Variants in TBC1D32 observed in about 807,000 individuals in gnomAD.
TBC1D32 encodes TBC1 domain family member 32.
TBC1D32 carries 151 observed loss-of-function variants against 170.3 expected under a neutral mutation model. The observed-to-expected ratio is 0.89, with a 90% CI of 0.78 to 1.01. TBC1D32 has a LOEUF of 1.01. TBC1D32 is among the 50% of genes least tolerant of loss of function. TBC1D32 has a pLI of 0.00. For missense variants in TBC1D32, 1,464 were observed against 1,457.1 expected, an observed-to-expected ratio of 1.00 and a Z score of -0.08; for synonymous variants, 498 against 488.0, an observed-to-expected ratio of 1.02 and a Z score of -0.27.
At chr6:121,184,253 A>C (rs1788896837) in intron 22 of TBC1D32, among the ~76,000 whole-genome samples, 2 of 152,008 alleles carry the variant, frequency 1.3e-5, no homozygotes, top group South Asian at 4.1e-4. Context: ...TTCATTGGTG[A>C]TATAATATTA....
chr6:121,309,375 A>G (rs1309475755), intron 4 of TBC1D32, among the ~76,000 whole-genome samples: 3 of 152,182 alleles, frequency 2.0e-5, no homozygotes, highest in Non-Finnish European at 4.4e-5. Flanking sequence ...CTCATTTCCG[A>G]TATTTTTGAA....
intron 24 of TBC1D32, among the ~76,000 whole-genome samples, chr6:121,154,271 TA>T (rs1784585172): frequency 6.6e-6 from 1 of 152,108 alleles, no homozygotes; most frequent in South Asian, 2.1e-4. Context: ...TTGAGCTTCC[TA>T]GGTGAGAACA....
rs556830683 is a variant in TBC1D32, at chr6:121,149,530, T to C, written c.2773+10480A>G. Among the ~76,000 whole-genome samples the C allele has an allele frequency of 7.9e-5, 12 of 152,332 alleles. No individual in the cohort carries two copies. The East Asian group carries it at 2.1e-3, about 27-fold the overall frequency. ...AAATAGGGAATCCTTTCCCCATTTC[T>C]TGTTTTTGTCAGGTTTGTCAAAGAT... On this transcript the variant is annotated intron_variant, in intron 24 of 31. Coordinates refer to ENST00000398212, the MANE Select transcript of TBC1D32 (RefSeq NM_152730.6).
chr6:121,291,990 A>G, intron 12 of TBC1D32, 63 bp downstream of exon 12: 1 of 1,437,588 alleles, frequency 7.0e-7, no homozygotes, highest in East Asian at 2.4e-5. Context: ...CCAAGTTTGA[A>G]TACTCCACCA....
intron 15 of TBC1D32, among the ~76,000 whole-genome samples, chr6:121,257,747 G>A (rs1241621597): frequency 6.6e-6 from 1 of 151,896 alleles, no homozygotes; most frequent in African/African-American, 2.4e-5. Flanking sequence ...CTTTATGTAT[G>A]TCAATCCATT....
intron 21 of TBC1D32, among the ~76,000 whole-genome samples, chr6:121,207,559 C>A (rs537557160): frequency 2.0e-5 from 3 of 152,058 alleles, no homozygotes; most frequent in Non-Finnish European, 4.4e-5. Context: ...AAAAACAAAA[C>A]TCCTGGGAAG....
At chr6:121,196,516 A>C (rs1181803430) in intron 22 of TBC1D32, among the ~76,000 whole-genome samples, 1 of 152,156 alleles carries the variant, frequency 6.6e-6, no homozygotes, top group African/African-American at 2.4e-5. Context: ...TCCTGCACAC[A>C]ATGCTTCTGC....
intron 15 of TBC1D32, among the ~76,000 whole-genome samples, chr6:121,259,789 T>TG (rs1341245520): frequency 6.6e-6 from 1 of 152,092 alleles, no homozygotes; most frequent in Non-Finnish European, 1.5e-5. Context: ...ATCTCTAAAT[T>TG]GGGGGGTAAA....
intron 24 of TBC1D32, among the ~76,000 whole-genome samples, chr6:121,141,514 G>T (rs1782784643): frequency 6.6e-6 from 1 of 152,210 alleles, no homozygotes; most frequent in Admixed American, 6.5e-5. Context: ...CACTCTCAAA[G>T]GAAGATACCA....
At chr6:121,112,398 T>C (rs1779278362) in intron 29 of TBC1D32, 107 bp downstream of exon 29, 2 of 980,110 alleles carry the variant, frequency 2.0e-6, no homozygotes, top group East Asian at 2.7e-5. Flanking sequence ...GAAAAATGAG[T>C]ATAATTTATT....
At chr6:121,237,025 CTG>C (rs1359122030) in intron 20 of TBC1D32, 1 of 152,098 alleles carries the variant, frequency 6.6e-6, no homozygotes, top group African/African-American at 2.4e-5. Context: ...TCTGGTAGCA[CTG>C]TCTTTCAACA....
At chr6:121,272,238 A>G (rs1801550891) in intron 15 of TBC1D32, among the ~76,000 whole-genome samples, 1 of 152,172 alleles carries the variant, frequency 6.6e-6, no homozygotes, top group African/African-American at 2.4e-5. Flanking sequence ...AATGGCAACA[A>G]AAGCCAAAAT....
intron 4 of TBC1D32, 49 bp downstream of exon 4, chr6:121,310,730 G>A: frequency 2.6e-6 from 3 of 1,171,500 alleles, no homozygotes; most frequent in Non-Finnish European, 3.7e-6. Flanking sequence ...CTCATATATT[G>A]TAAATGTATG....
chr6:121,305,878 A>C (rs1807250856), intron 5 of TBC1D32, among the ~76,000 whole-genome samples: 3 of 152,070 alleles, frequency 2.0e-5, no homozygotes. Context: ...TTTTATTACC[A>C]TCTCTCCTCT....
At chr6:121,158,064 A>G (rs1785137533) in intron 24 of TBC1D32, among the ~76,000 whole-genome samples, 3 of 152,148 alleles carry the variant, frequency 2.0e-5, no homozygotes, top group African/African-American at 7.2e-5. Flanking sequence ...CAAACTTGGG[A>G]AAATTTTGAT....
chr6:121,140,676 T>C (rs1367153146), intron 24 of TBC1D32, among the ~76,000 whole-genome samples: 1 of 152,104 alleles, frequency 6.6e-6, no homozygotes, highest in Non-Finnish European at 1.5e-5. Context: ...TAAAAGGCTG[T>C]ACATTTTTTA....
At chr6:121,237,619 C>T (rs956007219) in intron 20 of TBC1D32, among the ~76,000 whole-genome samples, 4 of 151,712 alleles carry the variant, frequency 2.6e-5, no homozygotes, top group African/African-American at 9.7e-5. Context: ...ACTACTTCTT[C>T]TATTATGTTT....
At position 121,195,692 on chromosome 6, in the gene TBC1D32, G is replaced by T. The variant is rs532648057; in HGVS notation, c.2570+9383C>A. 3.3e-5 allele frequency among the ~76,000 whole-genome samples: 5 copies of T among 152,270 alleles called. 1 individual carries two copies. In the South Asian group the frequency reaches 1.0e-3, roughly 32 times the overall value. On this transcript the variant is annotated intron_variant, in intron 22 of 31. Coordinates refer to ENST00000398212, the MANE Select transcript of TBC1D32 (RefSeq NM_152730.6). ...CCCCAGCTTGCACAGATGGCCTCAT[G>T]GTGAGTTCCCTATGATCAGTTGACA... is the stretch of plus-strand genomic sequence containing the variant.
At chr6:121,188,791 A>G (rs2128283015) in intron 22 of TBC1D32, among the ~76,000 whole-genome samples, 1 of 152,308 alleles carries the variant, frequency 6.6e-6, no homozygotes, top group East Asian at 1.9e-4. Flanking sequence ...AAAATAAAAA[A>G]TAGTGGTTAG....
Sources: gnomAD v4.1 joint callset for allele counts (sites outside exome capture counted in the v4.1 genomes callset) on GRCh38, gnomAD v4.1.1 for gene constraint, MANE v1.5 for transcripts, NCBI Gene and HGNC (gene_info 2026-07-23, HGNC 2026-07-21) for gene names.